CAVIN1: variants seen among roughly 807,000 people sequenced by gnomAD.
CAVIN1 encodes the protein caveolae-associated protein 1.
CAVIN1 carries 16 observed loss-of-function variants against 24.0 expected under a neutral mutation model. The observed-to-expected ratio is 0.67, with a 90% CI of 0.45 to 1.01. CAVIN1 has a LOEUF of 1.01. CAVIN1 is among the 50% of genes least tolerant of loss of function. The pLI, the probability that CAVIN1 is intolerant of heterozygous loss-of-function variation, is 0.00. For synonymous variants in CAVIN1, 256 were observed against 256.4 expected, an observed-to-expected ratio of 1.00 and a Z score of 0.02; for missense variants, 510 against 551.7, an observed-to-expected ratio of 0.92 and a Z score of 0.76.
At chr17:42,411,796 G>A (rs2085480465) in intron 1 of CAVIN1, 3 of 985,396 alleles carry the variant, frequency 3.0e-6, no homozygotes, top group Non-Finnish European at 3.6e-6. Flanking sequence ...AAGTGTGGGG[G>A]AGCATTTACT....
chr17:42,407,273 C>T (rs2085451546), intron 1 of CAVIN1, among the ~76,000 whole-genome samples: 1 of 152,022 alleles, frequency 6.6e-6, no homozygotes, highest in East Asian at 1.9e-4. Context: ...AATGAAGGAA[C>T]GAGAGATAGT....
chr17:42,411,918 C>T (rs1482573099), intron 1 of CAVIN1: 10 of 985,288 alleles, frequency 1.0e-5, no homozygotes, highest in East Asian at 1.1e-4. Flanking sequence ...TCACAGTACC[C>T]GGCACCCGTC....
intron 1 of CAVIN1, chr17:42,411,381 C>G (rs996734589): frequency 4.6e-5 from 44 of 962,058 alleles, no homozygotes; most frequent in Middle Eastern, 5.3e-4. Flanking sequence ...CAGTCCAACC[C>G]CATCTCTAAA....
In CAVIN1 at chr17:42,411,424, A is replaced by G. The variant is rs962028993; in HGVS notation, c.472-6036T>C. 9 of 985,036 alleles carry G rather than the reference A, an allele frequency of 9.1e-6. No individual in the cohort carries two copies. The African/African-American group carries it at 1.6e-4, about 17-fold the overall frequency. 61.0% of individuals were successfully genotyped at this position (985,036 alleles called of 1,614,324 possible). ...TTTTTAACATTTTTTTTAAGTTGAG[A>G]AACACTCTGCTATAGGAAGGCCAGA... On this transcript the variant is annotated intron_variant, in intron 1 of 1. Coordinates refer to ENST00000357037, the MANE Select transcript of CAVIN1 (RefSeq NM_012232.6).
At chr17:42,416,766 C>T (rs989192865) in intron 1 of CAVIN1, among the ~76,000 whole-genome samples, 3 of 151,992 alleles carry the variant, frequency 2.0e-5, no homozygotes, top group Non-Finnish European at 4.4e-5. Context: ...CTCTCCATGG[C>T]CGCTGGGTTT....
Position 42,402,768 on chromosome 17 carries a change from G to A in CAVIN1, c.*1919C>T, listed in dbSNP as rs1267976872. On this transcript the variant is annotated 3_prime_UTR_variant, in exon 2 of 2. Transcript: ENST00000357037. Reference sequence around the variant, plus strand: ...CAATGAACTGCAGTTCTAAAAAGCAGGGCAGAGAAGGTAAGGAGCAGGTGG... The same window carrying A: ...CAATGAACTGCAGTTCTAAAAAGCAAGGCAGAGAAGGTAAGGAGCAGGTGG... 1 of 152,334 alleles carries A rather than the reference G, an allele frequency of 6.6e-6. No individual in the cohort carries two copies. Among genetic ancestry groups the A allele is most frequent in the African/African-American group, 2.4e-5 (1 of 41,424 alleles). The allele number at this position is 152,334 out of a possible 1,614,324, so 9.4% of individuals were successfully genotyped here.
chr17:42,405,682 GTTT>G (rs531661585), intron 1 of CAVIN1, among the ~76,000 whole-genome samples: 119 of 57,808 alleles, frequency 2.1e-3, no homozygotes, highest in African/African-American at 5.2e-3. Context: ...CTCTCTCCTT[GTTT>G]TTTTTTTTTT....
chr17:42,411,207 A>AAAAAACAAAAAAAAAAC (rs758609413), intron 1 of CAVIN1, among the ~76,000 whole-genome samples: 1 of 127,528 alleles, frequency 7.8e-6, no homozygotes, highest in Non-Finnish European at 1.7e-5. Context: ...AAAAAAAAAA[A>AAAAAACAAAAAAAAAAC]AACTAAAAGG....
chr17:42,421,819 C>A (rs946171863), intron 1 of CAVIN1, among the ~76,000 whole-genome samples: 11 of 152,094 alleles, frequency 7.2e-5, no homozygotes, highest in Admixed American at 2.0e-4. Flanking sequence ...TGATTCACCT[C>A]GCCCAGACTG....
chr17:42,411,376 C>A (rs947388810), intron 1 of CAVIN1: 1 of 944,316 alleles, frequency 1.1e-6, no homozygotes, highest in Non-Finnish European at 1.3e-6. Flanking sequence ...CAACACAGTC[C>A]AACCCCATCT....
chr17:42,410,892 CAAAAAAAAAAA>C (rs774857493), intron 1 of CAVIN1, among the ~76,000 whole-genome samples: 52 of 76,380 alleles, frequency 6.8e-4, no homozygotes, highest in African/African-American at 2.3e-3. Context: ...GACTCTGTCT[CAAAAAAAAAAA>C]AAAAAAAAAA....
intron 1 of CAVIN1, chr17:42,412,381 A>C (rs1334188223): frequency 1.5e-6 from 1 of 656,142 alleles, no homozygotes; most frequent in Non-Finnish European, 1.9e-6. Flanking sequence ...TAGGATGGAA[A>C]TAAACCACTT....
chr17:42,403,377 C>G lies in CAVIN1; in HGVS notation c.*1310G>C, dbSNP rs1401527322. On this transcript the variant is annotated 3_prime_UTR_variant, in exon 2 of 2. Transcript: ENST00000357037. ...CCTAACTCCCAGCCTGCTGCTGCCCCCTTCTGGGACCCTAATTTTCTGGAC... is the reference window on the plus strand; with the variant it reads ...CCTAACTCCCAGCCTGCTGCTGCCCGCTTCTGGGACCCTAATTTTCTGGAC... 6.5e-6 allele frequency: 1 copy of G among 152,888 alleles called. No individual in the cohort carries two copies. The highest frequency in any genetic ancestry group is 1.9e-4 in the East Asian group (1 of 5,306). 9.5% of individuals were successfully genotyped at this position (152,888 alleles called of 1,614,324 possible). A position where few individuals can be genotyped will look rare whatever the true frequency, so the allele number is the denominator to read the frequency against.
At chr17:42,411,207 A>AAAAAAAAAAAAC (rs758609413) in intron 1 of CAVIN1, among the ~76,000 whole-genome samples, 6 of 127,602 alleles carry the variant, frequency 4.7e-5, no homozygotes, top group South Asian at 3.1e-4. Flanking sequence ...AAAAAAAAAA[A>AAAAAAAAAAAAC]AACTAAAAGG....
intron 1 of CAVIN1, among the ~76,000 whole-genome samples, chr17:42,421,471 C>G (rs2085544713): frequency 6.6e-6 from 1 of 152,116 alleles, no homozygotes; most frequent in South Asian, 2.1e-4. Flanking sequence ...GACTAACCCC[C>G]CTGCCCCACA....
intron 1 of CAVIN1, among the ~76,000 whole-genome samples, chr17:42,412,968 A>G (rs1414916394): frequency 6.7e-6 from 1 of 150,206 alleles, no homozygotes. Flanking sequence ...CCAGGCTGCT[A>G]AACTGTAGTG....
At chr17:42,412,169 C>G in intron 1 of CAVIN1, 3 of 985,242 alleles carry the variant, frequency 3.0e-6, no homozygotes, top group Non-Finnish European at 3.6e-6. Context: ...GGCTTCAGGT[C>G]AAAGGGCTCA....
At chr17:42,418,793 T>A (rs1229360795) in intron 1 of CAVIN1, among the ~76,000 whole-genome samples, 1 of 152,216 alleles carries the variant, frequency 6.6e-6, no homozygotes, top group Admixed American at 6.5e-5. Context: ...CCTGATTTGA[T>A]CATTATACAT....
At chr17:42,412,388 A>AATT in intron 1 of CAVIN1, 6 of 416,504 alleles carry the variant, frequency 1.4e-5, no homozygotes, top group Non-Finnish European at 1.8e-5. Flanking sequence ...GAAATAAACC[A>AATT]CTTTTTTTTT....
Sources: allele counts gnomAD v4.1 joint callset (sites outside exome capture counted in the v4.1 genomes callset), GRCh38; gene constraint gnomAD v4.1.1; transcripts MANE v1.5; gene names NCBI Gene and HGNC (gene_info 2026-07-23, HGNC 2026-07-21).